Variants in UNC5C observed in about 807,000 individuals in gnomAD.
UNC5C encodes the protein unc-5 netrin receptor C.
UNC5C carries 47 observed loss-of-function variants against 99.8 expected under a neutral mutation model. The observed-to-expected ratio is 0.47, with a 90% confidence interval of 0.37 to 0.60. UNC5C has a LOEUF of 0.60. Among genes scored for constraint, UNC5C ranks in the 20% least tolerant of loss-of-function variants. The probability of loss-of-function intolerance (pLI) is 0.00; values close to 1 mark genes in which losing one functional copy is unlikely to be tolerated. For synonymous variants in UNC5C, 487 were observed against 452.2 expected (o/e 1.08, Z -0.98); for missense variants, 1,062 against 1,165.9 (o/e 0.91, Z 1.30).
intron 1 of UNC5C, among the ~76,000 whole-genome samples, chr4:95,441,066 A>G (rs1324840189): frequency 6.6e-6 from 1 of 152,210 alleles, no homozygotes; most frequent in Non-Finnish European, 1.5e-5. Flanking sequence ...TAGAGTCTAT[A>G]TACTATTGGA....
chr4:95,274,532 A>G (rs1243978112), intron 4 of UNC5C, among the ~76,000 whole-genome samples: 5 of 152,262 alleles, frequency 3.3e-5, no homozygotes, highest in Admixed American at 2.0e-4. Flanking sequence ...CTTATTGGAA[A>G]GGGCTTAAAG....
chr4:95,219,250 G>T lies in UNC5C; in HGVS notation c.1364C>A (p.Ala455Asp), dbSNP rs759021473. The T allele has an allele frequency of 1.2e-5, 20 of 1,614,160 alleles. No individual in the cohort carries two copies. Among genetic ancestry groups the T allele is most frequent in the Non-Finnish European group, 1.6e-5 (19 of 1,180,018 alleles). Reference sequence around the variant, plus strand: ...GATTTTGTCTGAGACGTCATGCAGGGCATAGACAGGTCCTCTGTACATGGC... The same window carrying T: ...GATTTTGTCTGAGACGTCATGCAGGTCATAGACAGGTCCTCTGTACATGGC... ...AAAMYRGPVY[A>D]LHDVSDKIPM... is the part of the protein sequence containing the mutation. Residue 455 changes from alanine (A) to aspartate (D), a missense_variant, in exon 9 of 16, where the codon GCC (alanine) becomes GAC (aspartate). Around this residue, in one of 3 missense-constraint regions of UNC5C, gnomAD observed 810 missense variants for 854.5 expected, o/e 0.95. Coordinates refer to ENST00000453304, the MANE Select transcript of UNC5C (RefSeq NM_003728.4).
chr4:95,441,486 A>G (rs893662880), intron 1 of UNC5C, among the ~76,000 whole-genome samples: 1 of 152,180 alleles, frequency 6.6e-6, no homozygotes, highest in Non-Finnish European at 1.5e-5. Flanking sequence ...TTCAATCAAT[A>G]TTTGACTAAT....
At chr4:95,363,031 T>G (rs955283516) in intron 1 of UNC5C, among the ~76,000 whole-genome samples, 2 of 152,112 alleles carry the variant, frequency 1.3e-5, no homozygotes, top group Non-Finnish European at 2.9e-5. Context: ...CCCCTGGAGT[T>G]ACACACACTC....
intron 3 of UNC5C, among the ~76,000 whole-genome samples, chr4:95,300,087 C>A (rs545821194): frequency 6.6e-6 from 1 of 152,188 alleles, no homozygotes; most frequent in East Asian, 1.9e-4. Context: ...GCATCCAACA[C>A]AAAATAGAAT....
intron 9 of UNC5C, among the ~76,000 whole-genome samples, chr4:95,218,607 T>C (rs1738346823): frequency 6.6e-6 from 1 of 152,242 alleles, no homozygotes; most frequent in African/African-American, 2.4e-5. Flanking sequence ...AATCAAATGA[T>C]ATATTTAATA....
intron 2 of UNC5C, among the ~76,000 whole-genome samples, chr4:95,318,320 C>A (rs914975505): frequency 3.3e-5 from 5 of 152,076 alleles, no homozygotes; most frequent in Non-Finnish European, 7.4e-5. Flanking sequence ...GGGCAGCCAC[C>A]ATAAACTGGA....
At chr4:95,406,346 A>C (rs1426290116) in intron 1 of UNC5C, among the ~76,000 whole-genome samples, 2 of 152,090 alleles carry the variant, frequency 1.3e-5, no homozygotes, top group African/African-American at 4.8e-5. Flanking sequence ...CCCTCCAGTT[A>C]ATGTTCTGCA....
chr4:95,195,761 T>C (rs538600390), intron 12 of UNC5C, among the ~76,000 whole-genome samples: 1 of 152,292 alleles, frequency 6.6e-6, no homozygotes, highest in Admixed American at 6.5e-5. Flanking sequence ...CCTTTCTCTC[T>C]CTTCACCTTC....
intron 1 of UNC5C, among the ~76,000 whole-genome samples, chr4:95,454,952 T>C (rs1747387418): frequency 6.6e-6 from 1 of 152,100 alleles, no homozygotes; most frequent in Non-Finnish European, 1.5e-5. Flanking sequence ...CATTAAGAGG[T>C]ATATATTTAT....
chr4:95,524,142 T>A (rs996612433), intron 1 of UNC5C, among the ~76,000 whole-genome samples: 6 of 152,216 alleles, frequency 3.9e-5, no homozygotes, highest in African/African-American at 1.4e-4. Context: ...GTAGCTTTAA[T>A]TCAACCAGCA....
At chr4:95,439,382 G>GTT (rs199747162) in intron 1 of UNC5C, among the ~76,000 whole-genome samples, 1,443 of 125,254 alleles carry the variant, frequency 0.012, 14 homozygotes, top group African/African-American at 0.044. Flanking sequence ...ATGAGGTTTT[G>GTT]GTTTTTTTTT....
At chr4:95,472,637 T>C (rs1748010483) in intron 1 of UNC5C, among the ~76,000 whole-genome samples, 1 of 152,108 alleles carries the variant, frequency 6.6e-6, no homozygotes, top group Non-Finnish European at 1.5e-5. Context: ...CACATATAAA[T>C]TCACCTTTCA....
At position 95,169,351 on chromosome 4, in the gene UNC5C, C is replaced by T. The variant is rs200851749; in HGVS notation, c.2679G>A (p.Leu893=). 6.2e-7 allele frequency: 1 copy of T among 1,614,222 alleles called. No homozygotes were observed. The highest frequency in any genetic ancestry group is 1.3e-5 in the African/African-American group (1 of 75,050). Residue 893 remains leucine, a synonymous_variant, in exon 16 of 16, where the codon CTG becomes CTA. Coordinates refer to ENST00000453304, the MANE Select transcript of UNC5C (RefSeq NM_003728.4). ...ATKSSPTGVI[L]DLWEAQNFPD... is the part of the protein sequence containing the mutation. ...GGAAGTTCTGTGCTTCCCAAAGATC[C>T]AGGATTACGCCAGTTGGGCTGGATT... is the stretch of plus-strand genomic sequence containing the variant.
chr4:95,173,452 G>A lies in UNC5C; in HGVS notation c.2452-3120C>T, dbSNP rs1277878750. On this transcript the variant is annotated intron_variant, in intron 14 of 15. Coordinates refer to ENST00000453304, the MANE Select transcript of UNC5C (RefSeq NM_003728.4). ...TTTATTGAGAGTTTTCAGCATGAAG[G>A]GTTGTTGAATTTTGTCAAAGGCCTT... Among the ~76,000 whole-genome samples the A allele has an allele frequency of 9.6e-5, 14 of 145,740 alleles. No individual in the cohort carries two copies. The East Asian group carries it at 2.6e-3, about 27-fold the overall frequency.
intron 4 of UNC5C, among the ~76,000 whole-genome samples, chr4:95,252,627 C>T (rs1739788491): frequency 6.6e-6 from 1 of 152,158 alleles, no homozygotes; most frequent in Admixed American, 6.5e-5. Context: ...CCTGAATTGA[C>T]ACTATTATAA....
intron 1 of UNC5C, among the ~76,000 whole-genome samples, chr4:95,460,411 A>G (rs1366719004): frequency 6.6e-6 from 1 of 152,144 alleles, no homozygotes; most frequent in Non-Finnish European, 1.5e-5. Context: ...CCGAAAAGTC[A>G]TCTTGAATTG....
intron 4 of UNC5C, 68 bp from the exon 5 acceptor site, chr4:95,250,735 T>C: frequency 2.0e-6 from 3 of 1,487,190 alleles, no homozygotes; most frequent in Non-Finnish European, 2.8e-6. Flanking sequence ...TGTCCTAACC[T>C]GCATTTTGTA....
At chr4:95,298,842 C>G (rs770419478) in intron 3 of UNC5C, among the ~76,000 whole-genome samples, 2 of 151,984 alleles carry the variant, frequency 1.3e-5, no homozygotes, top group African/African-American at 2.4e-5. Context: ...TCTAAGTGAA[C>G]AAATACATAC....
Sources: gnomAD v4.1 joint callset for allele counts (sites outside exome capture counted in the v4.1 genomes callset) on GRCh38, gnomAD v4.1.1 for gene constraint, gnomAD v4.1.1 regional missense constraint, MANE v1.5 for transcripts, NCBI Gene and HGNC (gene_info 2026-07-23, HGNC 2026-07-21) for gene names.